REEP5: variants seen among roughly 807,000 people sequenced by gnomAD.
The protein encoded by REEP5 is receptor expression-enhancing protein 5.
Under a neutral mutation model 22.4 loss-of-function variants are expected in REEP5, and 24 were observed. The ratio of observed to expected loss-of-function variants is 1.07; its 90% CI spans 0.78 to 1.51. The LOEUF is 1.51. Ranked by LOEUF, REEP5 falls within the 40% of genes most tolerant of loss-of-function variation. The probability of loss-of-function intolerance (pLI) is 0.00; values close to 1 mark genes in which losing one functional copy is unlikely to be tolerated. For synonymous variants in REEP5, 103 were observed against 88.6 expected (o/e 1.16, Z -0.92); for missense variants, 252 against 233.0 (o/e 1.08, Z -0.53).
At chr5:112,885,193 A>G in intron 4 of REEP5, 1 of 173,378 alleles carries the variant, frequency 5.8e-6, no homozygotes, top group Non-Finnish European at 1.2e-5. Context: ...GCCAGCCAGG[A>G]GATGGTGAGT....
rs763286068 is a variant in REEP5, at chr5:112,921,156, C to G, written c.212+7G>C. 1.2e-6 allele frequency: 2 copies of G among 1,613,784 alleles called. No homozygotes were observed. The highest frequency in any genetic ancestry group is 2.7e-5 in the African/African-American group (2 of 74,934). On this transcript the variant is annotated splice_region_variant and intron_variant, in intron 2 of 4. Coordinates refer to ENST00000379638, the MANE Select transcript of REEP5 (RefSeq NM_005669.5). ...GGAAGGGGACGGCTGCAGGGTGTGT[C>G]ACTTACGAGATGTAGGCTGGGTAGC...
At chr5:112,895,667 T>C (rs1768660067) in intron 3 of REEP5, 1 of 152,240 alleles carries the variant, frequency 6.6e-6, no homozygotes, top group African/African-American at 2.4e-5. Context: ...GAAATCATTT[T>C]CTTATGTTAA....
intron 3 of REEP5, chr5:112,894,657 T>C (rs180689963): frequency 6.6e-6 from 1 of 152,330 alleles, no homozygotes; most frequent in African/African-American, 2.4e-5. Context: ...ATTAACTATT[T>C]GGAGAGCAGC....
chr5:112,892,237 A>G lies in REEP5; in HGVS notation c.352-5054T>C. 1.9e-6 allele frequency: 3 copies of G among 1,614,154 alleles called. No individual in the cohort carries two copies. In the East Asian group the frequency reaches 6.7e-5, roughly 36 times the overall value. The stretch of plus-strand genomic sequence containing the variant: ...ATGTTCACGTAAACATAATTTCCCA[A>G]CATCTAGTCCTACCCTTCTTATTAA... On this transcript the variant is annotated intron_variant, in intron 3 of 4. Coordinates refer to ENST00000379638, the MANE Select transcript of REEP5 (RefSeq NM_005669.5).
intron 3 of REEP5, among the ~76,000 whole-genome samples, chr5:112,898,750 G>T (rs922476316): frequency 6.6e-6 from 1 of 152,110 alleles, no homozygotes; most frequent in African/African-American, 2.4e-5. Flanking sequence ...ATTATCTGAA[G>T]TTTAAATTAT....
chr5:112,882,384 C>T (rs189974951), intron 4 of REEP5, among the ~76,000 whole-genome samples: 2 of 152,296 alleles, frequency 1.3e-5, no homozygotes, highest in Admixed American at 1.3e-4. Flanking sequence ...CCACCACTTC[C>T]CACCTTACTC....
intron 3 of REEP5, among the ~76,000 whole-genome samples, chr5:112,899,585 T>C (rs1164902532): frequency 6.6e-6 from 1 of 152,232 alleles, no homozygotes; most frequent in African/African-American, 2.4e-5. Flanking sequence ...CTGTTTATAA[T>C]GTTTACATTA....
Position 112,877,093 on chromosome 5 carries a change from C to G in REEP5, c.*1693G>C, listed in dbSNP as rs960055212. 4 of 151,840 alleles carry G rather than the reference C, an allele frequency of 2.6e-5. No individual in the cohort carries two copies. The highest frequency in any genetic ancestry group is 5.9e-5 in the Non-Finnish European group (4 of 67,974). The allele number at this position is 151,840 out of a possible 1,614,324, so 9.4% of individuals were successfully genotyped here. A position where few individuals can be genotyped will look rare whatever the true frequency, so the allele number is the denominator to read the frequency against. On this transcript the variant is annotated 3_prime_UTR_variant, in exon 5 of 5. Coordinates refer to ENST00000379638, the MANE Select transcript of REEP5 (RefSeq NM_005669.5). ...TTTAATCTAAAAGTTGATTTTCTCC[C>G]AAGAACAATTTTGTTTGCTTTCTAC...
intron 4 of REEP5, among the ~76,000 whole-genome samples, chr5:112,886,317 G>C (rs545354234): frequency 6.6e-6 from 1 of 152,284 alleles, no homozygotes; most frequent in African/African-American, 2.4e-5. Flanking sequence ...CAGAACTATA[G>C]GTTTTGAGGT....
At chr5:112,896,223 T>A (rs1450155048) in intron 3 of REEP5, 1 of 152,524 alleles carries the variant, frequency 6.6e-6, no homozygotes, top group African/African-American at 2.4e-5. Context: ...CTACGAACAT[T>A]AAGAAGAAAA....
At chr5:112,896,216 C>T (rs894008963) in intron 3 of REEP5, 4 of 152,626 alleles carry the variant, frequency 2.6e-5, no homozygotes, top group African/African-American at 9.6e-5. Flanking sequence ...TAGCCTCCTA[C>T]GAACATTAAG....
chr5:112,918,071 A>C (rs1769269559), intron 2 of REEP5, among the ~76,000 whole-genome samples: 1 of 152,186 alleles, frequency 6.6e-6, no homozygotes, highest in Non-Finnish European at 1.5e-5. Flanking sequence ...TTATCAGTAA[A>C]AGAGGGAAGT....
intron 2 of REEP5, among the ~76,000 whole-genome samples, chr5:112,915,154 G>A (rs1455984033): frequency 9.2e-5 from 14 of 152,124 alleles, no homozygotes; most frequent in African/African-American, 3.4e-4. Flanking sequence ...AAGGAGATGA[G>A]GGAGGCTACG....
At chr5:112,911,400 A>C (rs998116961) in intron 2 of REEP5, among the ~76,000 whole-genome samples, 4 of 146,348 alleles carry the variant, frequency 2.7e-5, no homozygotes, top group Admixed American at 6.8e-5. Flanking sequence ...GGTATTGGTC[A>C]AAATGTGCTC....
intron 3 of REEP5, among the ~76,000 whole-genome samples, chr5:112,900,496 A>G (rs1768815652): frequency 6.6e-6 from 1 of 152,206 alleles, no homozygotes; most frequent in African/African-American, 2.4e-5. Context: ...ACAGGTGGAC[A>G]CTAACTAAAG....
At chr5:112,913,568 G>C (rs917061508) in intron 2 of REEP5, among the ~76,000 whole-genome samples, 6 of 131,154 alleles carry the variant, frequency 4.6e-5, no homozygotes, top group Middle Eastern at 4.8e-3. Flanking sequence ...AAAAAATTAA[G>C]ATGAGTCTAT....
chr5:112,887,998 T>G (rs1768313100), intron 3 of REEP5, among the ~76,000 whole-genome samples: 1 of 152,220 alleles, frequency 6.6e-6, no homozygotes, highest in African/African-American at 2.4e-5. Flanking sequence ...CTAGAAAGTT[T>G]AATAAACAAT....
intron 3 of REEP5, chr5:112,895,236 T>TAAAAA (rs1768643761): frequency 3.7e-4 from 1 of 2,714 alleles, no homozygotes; most frequent in Non-Finnish European, 7.9e-4. Flanking sequence ...AGACTCTGTC[T>TAAAAA]CAAAAAAAAA....
intron 4 of REEP5, among the ~76,000 whole-genome samples, chr5:112,879,957 G>A (rs1768020721): frequency 6.6e-6 from 1 of 151,808 alleles, no homozygotes; most frequent in African/African-American, 2.4e-5. Flanking sequence ...CCCATCTCTA[G>A]TTAAAGTACC....
Sources: allele counts gnomAD v4.1 joint callset (sites outside exome capture counted in the v4.1 genomes callset), GRCh38; gene constraint gnomAD v4.1.1; transcripts MANE v1.5; gene names NCBI Gene and HGNC (gene_info 2026-07-23, HGNC 2026-07-21).